NRIP1: variants seen among roughly 807,000 people sequenced by gnomAD.
NRIP1 encodes the protein nuclear receptor-interacting protein 1.
Under a neutral mutation model 75.0 loss-of-function variants are expected in NRIP1, and 28 were observed. The observed-to-expected ratio is 0.37, with a 90% CI of 0.28 to 0.51. The LOEUF is 0.51. Ranked by LOEUF, NRIP1 falls within the 20% of genes least tolerant of loss-of-function variation. The probability of loss-of-function intolerance (pLI) is 0.92; values close to 1 mark genes in which losing one functional copy is unlikely to be tolerated. For synonymous variants in NRIP1, 526 were observed against 487.6 expected (o/e 1.08, Z -1.04); for missense variants, 1,435 against 1,343.7 (o/e 1.07, Z -1.06).
chr21:15,009,882 A>C (rs1456597399), intron 3 of NRIP1, among the ~76,000 whole-genome samples: 1 of 152,192 alleles, frequency 6.6e-6, no homozygotes, highest in Non-Finnish European at 1.5e-5. Flanking sequence ...AGTTACTAAA[A>C]AAAATAAAAT....
At chr21:14,988,765 C>T (rs1273904884) in intron 3 of NRIP1, among the ~76,000 whole-genome samples, 3 of 152,030 alleles carry the variant, frequency 2.0e-5, no homozygotes, top group African/African-American at 7.2e-5. Context: ...ACTAATGGAC[C>T]AATCATTTCC....
At chr21:15,035,511 A>G (rs527302244) in intron 2 of NRIP1, among the ~76,000 whole-genome samples, 1 of 152,132 alleles carries the variant, frequency 6.6e-6, no homozygotes, top group East Asian at 1.9e-4. Flanking sequence ...AAAACTAAGA[A>G]AATAGCTTTC....
chr21:14,993,499 C>T (rs2147081959), intron 3 of NRIP1, among the ~76,000 whole-genome samples: 1 of 152,186 alleles, frequency 6.6e-6, no homozygotes, highest in African/African-American at 2.4e-5. Context: ...CTCTGTAACC[C>T]CAGCTTAAAT....
intron 3 of NRIP1, among the ~76,000 whole-genome samples, chr21:14,985,570 C>T (rs1308337049): frequency 2.6e-5 from 4 of 152,070 alleles, no homozygotes; most frequent in African/African-American, 7.2e-5. Context: ...GTGTGAGCCA[C>T]CATGCCTGGC....
intron 2 of NRIP1, among the ~76,000 whole-genome samples, chr21:15,037,528 G>A (rs950610108): frequency 2.6e-5 from 4 of 152,114 alleles, no homozygotes; most frequent in African/African-American, 9.7e-5. Flanking sequence ...GAAACGCTAT[G>A]AAAAATAAAG....
chr21:14,990,576 C>T (rs986016329), intron 3 of NRIP1, among the ~76,000 whole-genome samples: 1 of 152,106 alleles, frequency 6.6e-6, no homozygotes, highest in Non-Finnish European at 1.5e-5. Context: ...AAGGTAAGAG[C>T]CAGAGGGCAA....
At chr21:15,000,589 T>G (rs1004009439) in intron 3 of NRIP1, among the ~76,000 whole-genome samples, 1 of 152,196 alleles carries the variant, frequency 6.6e-6, no homozygotes, top group African/African-American at 2.4e-5. Context: ...TTTGAGAAAG[T>G]GAAAGATTCT....
At position 14,964,425 on chromosome 21, in the gene NRIP1, T is replaced by G. The variant is rs1477259925; in HGVS notation, c.*291A>C. 8.4e-6 allele frequency: 2 copies of G among 238,186 alleles called. No homozygotes were observed. The highest frequency in any genetic ancestry group is 4.5e-5 in the African/African-American group (2 of 44,350). 14.8% of individuals were successfully genotyped at this position (238,186 alleles called of 1,614,324 possible). ...TATGAATGGAGTTTTACATTTTAAT[T>G]TATGCCTAATATTTATAAAAGAATT... On this transcript the variant is annotated 3_prime_UTR_variant, in exon 4 of 4. Transcript: ENST00000318948.
intron 2 of NRIP1, among the ~76,000 whole-genome samples, chr21:15,031,363 T>C: frequency 7.2e-6 from 1 of 139,816 alleles, no homozygotes. Context: ...CACATTCCCT[T>C]TCTGTGTGTA....
In NRIP1 at chr21:14,967,125, G is replaced by C; in HGVS notation, c.1068C>G (p.Ser356=). ...FQNPMGIIPS[S]PKNAGYKNSL... ...AGTTCTTATAACCTGCATTTTTAGG[G>C]GAAGAAGGAATGATACCCATTGGAT... The change falls in exon 4 of 4, where the codon TCC becomes TCG. Residue 356 remains serine (S), a synonymous_variant. Transcript: ENST00000318948. 1 of 1,614,024 alleles carries C rather than the reference G, an allele frequency of 6.2e-7. No individual in the cohort carries two copies. Among genetic ancestry groups the C allele is most frequent in the Non-Finnish European group, 8.5e-7 (1 of 1,179,956 alleles).
chr21:15,033,269 C>T (rs9983107), intron 2 of NRIP1, among the ~76,000 whole-genome samples: 3,088 of 151,440 alleles, frequency 0.02, 110 homozygotes, highest in African/African-American at 0.07. Context: ...GCCAGGACTA[C>T]GTTAAATGCT....
rs145278515 is a variant in NRIP1, at chr21:15,007,155, T to C, written c.-335+7189A>G. On this transcript the variant is annotated intron_variant, in intron 3 of 3. Transcript: ENST00000318948. The stretch of plus-strand genomic sequence containing the variant: ...GGCCATGCCAAGAAGCTGGCCTTTA[T>C]CTGGTGGGTTTCCTTACAAGCAATG... Among the ~76,000 whole-genome samples, 583 of 152,316 alleles carry C rather than the reference T, an allele frequency of 3.8e-3. 4 individuals are homozygous for C. The highest frequency in any genetic ancestry group is 0.014 in the African/African-American group (562 of 41,560).
intron 3 of NRIP1, among the ~76,000 whole-genome samples, chr21:14,977,282 A>G (rs2087099554): frequency 6.6e-6 from 1 of 152,222 alleles, no homozygotes. Flanking sequence ...TTTAAAAAAA[A>G]TACAGATCCA....
Position 14,968,213 on chromosome 21 carries a change from A to G in NRIP1, c.-21T>C. ...GTCATGTTCAATAGAAGTGTTCACAAGGGCTTGGTTTCTATTCACTTTAAA... is the reference window on the plus strand; with the variant it reads ...GTCATGTTCAATAGAAGTGTTCACAGGGGCTTGGTTTCTATTCACTTTAAA... On this transcript the variant is annotated 5_prime_UTR_variant, in exon 4 of 4. Coordinates refer to ENST00000318948, the MANE Select transcript of NRIP1 (RefSeq NM_003489.4). The G allele has an allele frequency of 6.5e-7, 1 of 1,545,798 alleles. No individual in the cohort carries two copies. Among genetic ancestry groups the G allele is most frequent in the African/African-American group, 1.4e-5 (1 of 72,782 alleles).
chr21:15,020,572 A>T (rs889848270), intron 2 of NRIP1, among the ~76,000 whole-genome samples: 19 of 152,196 alleles, frequency 1.2e-4, no homozygotes, highest in Non-Finnish European at 2.5e-4. Context: ...CAATCCATTT[A>T]AAAAAATTAA....
chr21:15,031,067 ATGTG>A (rs1357319680), intron 2 of NRIP1, among the ~76,000 whole-genome samples: 1 of 42,602 alleles, frequency 2.3e-5, no homozygotes, highest in African/African-American at 1.0e-4. Flanking sequence ...TTCCCTTTCT[ATGTG>A]TGTACACTCT....
chr21:14,982,034 A>T (rs994903225), intron 3 of NRIP1, among the ~76,000 whole-genome samples: 1 of 151,862 alleles, frequency 6.6e-6, no homozygotes. Flanking sequence ...TGATTTTTGT[A>T]GGGACGGGTT....
At chr21:15,020,120 T>C (rs948506712) in intron 2 of NRIP1, among the ~76,000 whole-genome samples, 2 of 152,172 alleles carry the variant, frequency 1.3e-5, no homozygotes, top group African/African-American at 2.4e-5. Flanking sequence ...AAAATATATA[T>C]GAAAGTATAA....
At chr21:15,010,419 T>G (rs749741683) in intron 3 of NRIP1, among the ~76,000 whole-genome samples, 28 of 151,808 alleles carry the variant, frequency 1.8e-4, no homozygotes, top group Non-Finnish European at 4.0e-4. Context: ...ATATGGAGGC[T>G]TCGCATATAG....
Sources: allele counts gnomAD v4.1 joint callset (sites outside exome capture counted in the v4.1 genomes callset), GRCh38; gene constraint gnomAD v4.1.1; transcripts MANE v1.5; gene names NCBI Gene and HGNC (gene_info 2026-07-23, HGNC 2026-07-21).